DCTD: variants seen among roughly 807,000 people sequenced by gnomAD.
DCTD encodes dCMP deaminase.
In DCTD, 23 loss-of-function variants were observed where a neutral mutation model predicts 21.0. The observed-to-expected ratio is 1.09, with a 90% confidence interval of 0.79 to 1.55. DCTD has a LOEUF of 1.55. Ranked by LOEUF, DCTD falls within the 40% of genes most tolerant of loss-of-function variation. The probability of loss-of-function intolerance (pLI) is 0.00; values close to 1 mark genes in which losing one functional copy is unlikely to be tolerated. For missense variants in DCTD, 224 were observed against 230.0 expected (o/e 0.97, Z 0.17); for synonymous variants, 71 against 81.1 (o/e 0.88, Z 0.67).
chr4:182,904,601 T>C (rs1736333023), intron 3 of DCTD, among the ~76,000 whole-genome samples: 1 of 152,066 alleles, frequency 6.6e-6, no homozygotes, highest in Admixed American at 6.5e-5. Flanking sequence ...AGGTAGAAAA[T>C]GGGAAGCAAC....
chr4:182,901,161 T>C (rs1304848692), intron 3 of DCTD, among the ~76,000 whole-genome samples: 5 of 152,208 alleles, frequency 3.3e-5, no homozygotes, highest in African/African-American at 1.2e-4. Flanking sequence ...GTTACTCAGA[T>C]AGGTTTGTTT....
chr4:182,898,292 A>T (rs570117780), intron 3 of DCTD, among the ~76,000 whole-genome samples: 1 of 152,286 alleles, frequency 6.6e-6, no homozygotes, highest in Non-Finnish European at 1.5e-5. Context: ...TCTGCCAGCG[A>T]GTGTGGACAA....
rs116529008 is a variant in DCTD at position 182,915,653 on chromosome 4, C to T, written c.-7-78G>A. 5.2e-3 allele frequency: 5,214 copies of T among 1,010,614 alleles called. 23 individuals carry two copies. Among genetic ancestry groups the T allele is most frequent in the Non-Finnish European group, 6.9e-3 (4,396 of 638,668 alleles). 62.6% of individuals were successfully genotyped at this position (1,010,614 alleles called of 1,614,324 possible). On this transcript the variant is annotated intron_variant, in intron 1 of 5. Coordinates refer to ENST00000438320, the MANE Select transcript of DCTD (RefSeq NM_001921.3). ...TGTTTTCCAGTTCAACCCAACCACACTGAACCTTTAAATCTCTAAACATGG... is the reference window on the plus strand; with the variant it reads ...TGTTTTCCAGTTCAACCCAACCACATTGAACCTTTAAATCTCTAAACATGG...
intron 3 of DCTD, among the ~76,000 whole-genome samples, chr4:182,912,836 T>C (rs1737950528): frequency 6.6e-6 from 1 of 152,144 alleles, no homozygotes; most frequent in South Asian, 2.1e-4. Flanking sequence ...CAGGCCCCAT[T>C]GGGAGGCCCA....
At chr4:182,904,861 T>A (rs1310535309) in intron 3 of DCTD, among the ~76,000 whole-genome samples, 1 of 152,182 alleles carries the variant, frequency 6.6e-6, no homozygotes, top group Non-Finnish European at 1.5e-5. Flanking sequence ...CCTCTTATTA[T>A]CAACCAGGGT....
chr4:182,893,675 G>T (rs1464085085), intron 4 of DCTD, among the ~76,000 whole-genome samples: 1 of 152,276 alleles, frequency 6.6e-6, no homozygotes, highest in East Asian at 1.9e-4. Context: ...TCTGAAGGCA[G>T]AGGAGGCTGC....
At chr4:182,892,066 G>C (rs1299380532) in intron 5 of DCTD, among the ~76,000 whole-genome samples, 2 of 148,908 alleles carry the variant, frequency 1.3e-5, no homozygotes, top group Non-Finnish European at 3.0e-5. Context: ...AAGAATCACT[G>C]AACAAGAGAG....
chr4:182,915,947 C>T, intron 1 of DCTD: 1 of 952,118 alleles, frequency 1.1e-6, no homozygotes, highest in Non-Finnish European at 1.3e-6. Context: ...TATTGATCAT[C>T]TATAGATTCC....
intron 3 of DCTD, among the ~76,000 whole-genome samples, chr4:182,899,566 A>T (rs34577883): frequency 0.23 from 34,787 of 151,552 alleles, 4,404 homozygotes; most frequent in Non-Finnish European, 0.3. Flanking sequence ...ATGCCCAGCT[A>T]ATTCTTGTAT....
chr4:182,917,333 C>A lies in DCTD; in HGVS notation c.-30G>T, dbSNP rs1192524644. The A allele has an allele frequency of 9.1e-7, 1 of 1,095,016 alleles. No individual in the cohort carries two copies. Among genetic ancestry groups the A allele is most frequent in the Non-Finnish European group, 1.1e-6 (1 of 901,432 alleles). The allele number at this position is 1,095,016 out of a possible 1,614,324, so 67.8% of individuals were successfully genotyped here. A position where few individuals can be genotyped will look rare whatever the true frequency, so the allele number is the denominator to read the frequency against. On this transcript the variant is annotated 5_prime_UTR_variant, in exon 1 of 6. Transcript: ENST00000438320. This position sits in a 1 kb window ranked among gnomAD's most constrained non-coding sequence, Gnocchi z 4.9. ...CACCATCCGGTGCCGGCTCCGCGCGCAGGCCGGTGCTCGTCCCCGCCGCCG... is the reference window on the plus strand; with the variant it reads ...CACCATCCGGTGCCGGCTCCGCGCGAAGGCCGGTGCTCGTCCCCGCCGCCG...
At chr4:182,906,451 T>A (rs1404724274) in intron 3 of DCTD, among the ~76,000 whole-genome samples, 1 of 152,160 alleles carries the variant, frequency 6.6e-6, no homozygotes, top group Non-Finnish European at 1.5e-5. Flanking sequence ...GTAAAACACA[T>A]AATAAATGCC....
intron 3 of DCTD, among the ~76,000 whole-genome samples, chr4:182,897,483 T>A (rs1734941601): frequency 6.7e-6 from 1 of 148,890 alleles, no homozygotes; most frequent in Non-Finnish European, 1.5e-5. Flanking sequence ...TCCTCCTTTA[T>A]TCATTTGATA....
At chr4:182,893,583 T>C (rs1331073972) in intron 4 of DCTD, among the ~76,000 whole-genome samples, 2 of 152,248 alleles carry the variant, frequency 1.3e-5, no homozygotes, top group Non-Finnish European at 2.9e-5. Context: ...TCTGTTTTCT[T>C]GTCCTGATCT....
chr4:182,892,889 C>T, intron 5 of DCTD, 142 bp downstream of exon 5: 1 of 634,094 alleles, frequency 1.6e-6, no homozygotes. Flanking sequence ...CTATAATAGT[C>T]TTTAAATTCT....
At chr4:182,904,947 T>C (rs1015460811) in intron 3 of DCTD, among the ~76,000 whole-genome samples, 1 of 152,222 alleles carries the variant, frequency 6.6e-6, no homozygotes, top group Non-Finnish European at 1.5e-5. Flanking sequence ...CTCTCTGTCT[T>C]GGACTATTCC....
chr4:182,911,131 T>C (rs1243829297), intron 3 of DCTD: 1 of 152,152 alleles, frequency 6.6e-6, no homozygotes, highest in Non-Finnish European at 1.5e-5. Flanking sequence ...ACCAGCATGG[T>C]TAGATTCTGG....
chr4:182,916,719 G>A, intron 1 of DCTD: 2 of 1,066,470 alleles, frequency 1.9e-6, no homozygotes, highest in Non-Finnish European at 2.3e-6. Flanking sequence ...TGCTGGAGAA[G>A]TACCTACTAA....
intron 3 of DCTD, among the ~76,000 whole-genome samples, chr4:182,911,673 A>C (rs942787007): frequency 4.6e-5 from 7 of 152,214 alleles, no homozygotes; most frequent in Non-Finnish European, 1.0e-4. Flanking sequence ...GGAGGCTTAG[A>C]TCCTGTGGGC....
At chr4:182,915,286 T>A (rs1738522574) in intron 2 of DCTD, among the ~76,000 whole-genome samples, 175 bp downstream of exon 2, 1 of 152,228 alleles carries the variant, frequency 6.6e-6, no homozygotes, top group South Asian at 2.1e-4. Context: ...AACAATGGCA[T>A]GTGACAATTT....
Sources: gnomAD v4.1 joint callset for allele counts (sites outside exome capture counted in the v4.1 genomes callset) on GRCh38, gnomAD v4.1.1 for gene constraint, Gnocchi (gnomAD v3.1) non-coding constraint, MANE v1.5 for transcripts, NCBI Gene and HGNC (gene_info 2026-07-23, HGNC 2026-07-21) for gene names.